XKR6: variants seen among roughly 807,000 people sequenced by gnomAD.
The protein encoded by XKR6 is XK-related protein 6.
XKR6 carries 22 observed loss-of-function variants against 56.7 expected under a neutral mutation model. The ratio of observed to expected loss-of-function variants is 0.39; its 90% CI spans 0.28 to 0.55. The LOEUF (loss-of-function observed/expected upper bound fraction) is 0.55. Among genes scored for constraint, XKR6 ranks in the 20% least tolerant of loss-of-function variants. The pLI is 0.66. For synonymous variants in XKR6, 524 were observed against 387.8 expected, an observed-to-expected ratio of 1.35 and a Z score of -4.13; for missense variants, 852 against 889.0, an observed-to-expected ratio of 0.96 and a Z score of 0.53.
chr8:11,083,832 T>C (rs1797802905), intron 1 of XKR6, among the ~76,000 whole-genome samples: 1 of 152,150 alleles, frequency 6.6e-6, no homozygotes, highest in South Asian at 2.1e-4. Flanking sequence ...AACATGGAAC[T>C]GTATGCCCAC....
intron 1 of XKR6, among the ~76,000 whole-genome samples, chr8:11,166,046 C>T (rs1802054692): frequency 6.6e-6 from 1 of 151,544 alleles, no homozygotes; most frequent in African/African-American, 2.4e-5. Flanking sequence ...ACCTCCACCT[C>T]CTGGATTCAA....
At chr8:11,165,947 A>ATG (rs1802049716) in intron 1 of XKR6, among the ~76,000 whole-genome samples, 1 of 150,656 alleles carries the variant, frequency 6.6e-6, no homozygotes, top group South Asian at 2.1e-4. Flanking sequence ...ATATATATAT[A>ATG]TAGTTTTTTG....
chr8:10,960,324 C>T (rs186528445), intron 1 of XKR6, among the ~76,000 whole-genome samples: 37 of 152,084 alleles, frequency 2.4e-4, no homozygotes, highest in Admixed American at 1.8e-3. Flanking sequence ...TTCAGGATGT[C>T]AAGGGAACTC....
At chr8:11,127,843 C>T (rs1018572569) in intron 1 of XKR6, among the ~76,000 whole-genome samples, 7 of 152,142 alleles carry the variant, frequency 4.6e-5, no homozygotes, top group African/African-American at 1.7e-4. Context: ...AGGGCTATTA[C>T]GGTATAGTTT....
intron 1 of XKR6, among the ~76,000 whole-genome samples, chr8:10,974,178 G>C (rs1025189981): frequency 9.9e-5 from 15 of 152,236 alleles, no homozygotes; most frequent in African/African-American, 2.9e-4. Context: ...TTGGCAGCTT[G>C]CTGGGCTCAG....
chr8:11,005,259 G>A (rs779126640), intron 1 of XKR6, among the ~76,000 whole-genome samples: 4 of 152,048 alleles, frequency 2.6e-5, no homozygotes, highest in Admixed American at 2.0e-4. Context: ...CTCATATATT[G>A]TTTATTTTCA....
intron 1 of XKR6, among the ~76,000 whole-genome samples, chr8:11,035,857 G>C (rs1449237253): frequency 6.6e-6 from 1 of 151,012 alleles, no homozygotes; most frequent in Non-Finnish European, 1.5e-5. Flanking sequence ...AGGCAGGTCT[G>C]ATTCTACCTA....
chr8:11,041,605 A>C, intron 1 of XKR6, among the ~76,000 whole-genome samples: 1 of 151,810 alleles, frequency 6.6e-6, no homozygotes. Flanking sequence ...TTGATGATGC[A>C]GATGCAAAGG....
chr8:11,139,321 T>G (rs923776152), intron 1 of XKR6, among the ~76,000 whole-genome samples: 1 of 152,112 alleles, frequency 6.6e-6, no homozygotes, highest in Non-Finnish European at 1.5e-5. Flanking sequence ...AAGAATCCTG[T>G]GGACAGCAAG....
intron 1 of XKR6, among the ~76,000 whole-genome samples, chr8:11,056,738 T>C (rs1179997048): frequency 1.3e-5 from 2 of 152,238 alleles, no homozygotes; most frequent in Admixed American, 6.5e-5. Flanking sequence ...GTGACCCCAC[T>C]ACCTTTTCTT....
chr8:11,057,241 T>C (rs1243426738), intron 1 of XKR6, among the ~76,000 whole-genome samples: 2 of 152,228 alleles, frequency 1.3e-5, no homozygotes, highest in African/African-American at 2.4e-5. Flanking sequence ...GCCTGCTTTA[T>C]GTGTCTTTGT....
intron 2 of XKR6, among the ~76,000 whole-genome samples, chr8:10,904,334 C>A (rs1800124541): frequency 6.6e-6 from 1 of 152,130 alleles, no homozygotes; most frequent in Admixed American, 6.5e-5. Context: ...GAGAAAGGGC[C>A]TTTGGGCTCT....
chr8:11,188,724 G>C (rs1803400598), intron 1 of XKR6, among the ~76,000 whole-genome samples: 1 of 152,140 alleles, frequency 6.6e-6, no homozygotes, highest in Admixed American at 6.6e-5. Flanking sequence ...GACAGATTTG[G>C]AGTTCTGCTC....
At chr8:11,087,692 C>CCAA (rs1423082721) in intron 1 of XKR6, among the ~76,000 whole-genome samples, 1 of 152,190 alleles carries the variant, frequency 6.6e-6, no homozygotes, top group Non-Finnish European at 1.5e-5. Flanking sequence ...CCAATGTCAT[C>CCAA]TCTGAGCTAC....
intron 1 of XKR6, among the ~76,000 whole-genome samples, chr8:11,159,485 T>G (rs1244293817): frequency 1.2e-4 from 18 of 152,244 alleles, no homozygotes; most frequent in Non-Finnish European, 5.9e-5. Context: ...TAACAGACGC[T>G]GCTTCTGTAT....
At chr8:10,979,840 C>A (rs1480127621) in intron 1 of XKR6, among the ~76,000 whole-genome samples, 3 of 152,284 alleles carry the variant, frequency 2.0e-5, no homozygotes, top group Non-Finnish European at 4.4e-5. Context: ...CGCACAGACT[C>A]CCAGGCTGAG....
chr8:10,929,502 A>G (rs1390506229), intron 1 of XKR6, among the ~76,000 whole-genome samples: 1 of 152,256 alleles, frequency 6.6e-6, no homozygotes, highest in Non-Finnish European at 1.5e-5. Context: ...TCCCAGAGGT[A>G]GACCATGTGT....
At chr8:11,110,961 C>T (rs1286793174) in intron 1 of XKR6, among the ~76,000 whole-genome samples, 6 of 151,710 alleles carry the variant, frequency 4.0e-5, no homozygotes, top group African/African-American at 9.7e-5. Context: ...CACAGCCTCC[C>T]GAGTAGCTGG....
chr8:10,953,795 G>A (rs970587699), intron 1 of XKR6, among the ~76,000 whole-genome samples: 1 of 152,146 alleles, frequency 6.6e-6, no homozygotes, highest in African/African-American at 2.4e-5. Flanking sequence ...AGAAATCCTG[G>A]ACTCACAAGC....
Sources: allele counts gnomAD v4.1 joint callset (sites outside exome capture counted in the v4.1 genomes callset), GRCh38; gene constraint gnomAD v4.1.1; transcripts MANE v1.5; gene names NCBI Gene and HGNC (gene_info 2026-07-23, HGNC 2026-07-21).